The following MGAT4C variants were observed in gnomAD, a reference collection of about 807,000 sequenced individuals.
MGAT4C encodes the protein alpha-1,3-mannosyl-glycoprotein 4-beta-N-acetylglucosaminyltransferase C.
Under a neutral mutation model 40.1 loss-of-function variants are expected in MGAT4C, and 19 were observed. The ratio of observed to expected loss-of-function variants is 0.47; its 90% CI spans 0.33 to 0.70. MGAT4C has a LOEUF of 0.70. Ranked by LOEUF, MGAT4C falls within the 30% of genes least tolerant of loss-of-function variation. MGAT4C has a pLI of 0.02. For synonymous variants in MGAT4C, 181 were observed against 187.1 expected (o/e 0.97, Z 0.27); for missense variants, 491 against 563.2 (o/e 0.87, Z 1.30).
chr12:86,782,425 C>A (rs549176612), intron 1 of MGAT4C, among the ~76,000 whole-genome samples: 1 of 152,122 alleles, frequency 6.6e-6, no homozygotes, highest in South Asian at 2.1e-4. Context: ...TCGTGATCCT[C>A]CCGCCTCGGC....
At chr12:86,195,501 A>G (rs1949768434) in intron 1 of MGAT4C, among the ~76,000 whole-genome samples, 2 of 152,300 alleles carry the variant, frequency 1.3e-5, no homozygotes, top group South Asian at 4.1e-4. Context: ...AATTCTTTGC[A>G]TAATAATTAT....
chr12:86,461,278 G>A (rs531294273), intron 2 of MGAT4C, among the ~76,000 whole-genome samples: 172 of 132,564 alleles, frequency 1.3e-3, no homozygotes, highest in Non-Finnish European at 1.3e-3. Flanking sequence ...TCGCTCTGTC[G>A]CCCAGGTCGG....
chr12:86,088,426 A>T (rs1872305202), intron 1 of MGAT4C, among the ~76,000 whole-genome samples: 1 of 151,996 alleles, frequency 6.6e-6, no homozygotes, highest in Admixed American at 6.6e-5. Flanking sequence ...TCAACAGAGT[A>T]ACCACACAAC....
chr12:86,762,568 A>T (rs2136154066), intron 1 of MGAT4C, among the ~76,000 whole-genome samples: 1 of 152,294 alleles, frequency 6.6e-6, no homozygotes, highest in South Asian at 2.1e-4. Flanking sequence ...TTCTCGCATC[A>T]TTATGCTGGT....
At chr12:86,737,342 C>CTTTTTT (rs36112885) in intron 1 of MGAT4C, among the ~76,000 whole-genome samples, 1 of 131,214 alleles carries the variant, frequency 7.6e-6, no homozygotes, top group Non-Finnish European at 1.6e-5. Flanking sequence ...AACTAAAATA[C>CTTTTTT]TTTTTTTTTT....
intron 1 of MGAT4C, among the ~76,000 whole-genome samples, chr12:86,110,268 C>CTA (rs368895751): frequency 0.021 from 463 of 22,122 alleles, 26 homozygotes; most frequent in East Asian, 0.028. Flanking sequence ...TATATATAGA[C>CTA]TATATATATA....
At chr12:85,986,086 C>G (rs1885163569) in intron 3 of MGAT4C, among the ~76,000 whole-genome samples, 1 of 152,130 alleles carries the variant, frequency 6.6e-6, no homozygotes, top group South Asian at 2.1e-4. Context: ...AGAAATGGAA[C>G]TTACATGAAA....
intron 4 of MGAT4C, among the ~76,000 whole-genome samples, chr12:86,310,195 T>A (rs2136149386): frequency 6.6e-6 from 1 of 152,020 alleles, no homozygotes; most frequent in Middle Eastern, 3.4e-3. Flanking sequence ...GTAATGTGAA[T>A]GAGTAAATTG....
chr12:86,054,563 A>C (rs963920234), intron 1 of MGAT4C, among the ~76,000 whole-genome samples: 8 of 152,008 alleles, frequency 5.3e-5, no homozygotes, highest in Admixed American at 5.3e-4. Flanking sequence ...GAAAATTGCT[A>C]AGACTGAAAA....
intron 3 of MGAT4C, among the ~76,000 whole-genome samples, chr12:86,360,349 GC>G (rs1448608788): frequency 6.6e-6 from 1 of 152,126 alleles, no homozygotes; most frequent in African/African-American, 2.4e-5. Context: ...AACAATAAGA[GC>G]TATTTATGAC....
chr12:86,044,962 G>C (rs1349146385), intron 2 of MGAT4C, among the ~76,000 whole-genome samples: 1 of 152,088 alleles, frequency 6.6e-6, no homozygotes, highest in Non-Finnish European at 1.5e-5. Context: ...AGGGCAGGTT[G>C]CTCCTCACCT....
Position 85,969,942 on chromosome 12 carries a change from T to C in MGAT4C, c.*9347A>G, listed in dbSNP as rs959971231. Reference sequence around the variant, plus strand: ...CTTCACACAGTGTCTCATAGTTGCTTGGAACATATTTATGTAGTAAGCATT... The same window carrying C: ...CTTCACACAGTGTCTCATAGTTGCTCGGAACATATTTATGTAGTAAGCATT... On this transcript the variant is annotated 3_prime_UTR_variant, in exon 5 of 5. Transcript: ENST00000611864. The C allele has an allele frequency of 1.3e-5, 2 of 151,458 alleles. No homozygotes were observed. Among genetic ancestry groups the C allele is most frequent in the African/African-American group, 2.4e-5 (1 of 41,374 alleles). The allele number at this position is 151,458 out of a possible 1,614,324, so 9.4% of individuals were successfully genotyped here.
At chr12:86,600,612 A>C in intron 2 of MGAT4C, among the ~76,000 whole-genome samples, 1 of 152,170 alleles carries the variant, frequency 6.6e-6, no homozygotes, top group African/African-American at 2.4e-5. Context: ...CTAAAGAAGC[A>C]TTTTCATCAT....
chr12:86,401,631 T>C (rs1956365083), intron 3 of MGAT4C, among the ~76,000 whole-genome samples: 1 of 152,162 alleles, frequency 6.6e-6, no homozygotes, highest in South Asian at 2.1e-4. Context: ...CAGTTTTTGG[T>C]TCTGATTGAT....
rs1566329286 is a variant in MGAT4C, at chr12:86,368,474, A to C, written c.-119-34347T>G. On this transcript the variant is annotated intron_variant, in intron 3 of 7. Coordinates refer to the MGAT4C transcript ENST00000548651. The stretch of plus-strand genomic sequence containing the variant: ...TATTTTTGTGTTTCTTTGTGCTATA[A>C]TTTTAGTTTGTTTATTTGAGGTCTT... Among the ~76,000 whole-genome samples, 4 of 145,972 alleles carry C rather than the reference A, an allele frequency of 2.7e-5. No homozygotes were observed. The South Asian group carries it at 8.8e-4, about 32-fold the overall frequency.
At chr12:86,486,534 T>C (rs1261658772) in intron 2 of MGAT4C, among the ~76,000 whole-genome samples, 2 of 152,100 alleles carry the variant, frequency 1.3e-5, no homozygotes, top group South Asian at 4.1e-4. Flanking sequence ...TTAACTATCC[T>C]AAATATATAT....
upstream of MGAT4C, among the ~76,000 whole-genome samples, chr12:86,258,082 G>T (rs1310246055): frequency 6.6e-6 from 1 of 151,946 alleles, no homozygotes; most frequent in Non-Finnish European, 1.5e-5. Context: ...ACACATGGAA[G>T]ATTTAAAATT....
intron 2 of MGAT4C, among the ~76,000 whole-genome samples, chr12:86,689,977 T>C (rs1950146956): frequency 1.3e-5 from 2 of 152,192 alleles, no homozygotes; most frequent in South Asian, 2.1e-4. Flanking sequence ...AAGCCCCTGA[T>C]TGAGGCTGCT....
At chr12:86,800,014 T>C (rs948152732) in intron 1 of MGAT4C, among the ~76,000 whole-genome samples, 1 of 151,876 alleles carries the variant, frequency 6.6e-6, no homozygotes, top group Non-Finnish European at 1.5e-5. Context: ...AAATGTAAAA[T>C]CTTTGGTTCA....
Sources: allele counts gnomAD v4.1 joint callset (sites outside exome capture counted in the v4.1 genomes callset), GRCh38; gene constraint gnomAD v4.1.1; transcripts MANE v1.5; gene names NCBI Gene and HGNC (gene_info 2026-07-23, HGNC 2026-07-21).